The following BMP7 variants were observed in gnomAD, a reference collection of about 807,000 sequenced individuals.
The protein encoded by BMP7 is osteogenic protein 1.
In BMP7, 12 loss-of-function variants were observed where a neutral mutation model predicts 41.2. The ratio of observed to expected loss-of-function variants is 0.29; its 90% CI spans 0.19 to 0.47. The LOEUF (loss-of-function observed/expected upper bound fraction) is 0.47, where lower values mean the gene tolerates loss of function less well. Among genes scored for constraint, BMP7 ranks in the 20% least tolerant of loss-of-function variants. The pLI is 0.99. For synonymous variants in BMP7, 248 were observed against 250.0 expected (o/e 0.99, Z 0.07); for missense variants, 467 against 606.0 (o/e 0.77, Z 2.41).
intron 2 of BMP7, among the ~76,000 whole-genome samples, chr20:57,227,522 A>G (rs988345189): frequency 1.3e-5 from 2 of 151,822 alleles, no homozygotes; most frequent in African/African-American, 4.8e-5. Context: ...AGGTGCCCAC[A>G]CCACCTTTCT....
intron 3 of BMP7, among the ~76,000 whole-genome samples, chr20:57,199,832 G>A (rs116554314): frequency 0.014 from 2,132 of 152,272 alleles, 53 homozygotes; most frequent in African/African-American, 0.049. Context: ...CTGCCTGGGC[G>A]CGCACAGCAC....
intron 1 of BMP7, among the ~76,000 whole-genome samples, chr20:57,246,442 G>A (rs1461135640): frequency 6.6e-6 from 1 of 152,178 alleles, no homozygotes; most frequent in Non-Finnish European, 1.5e-5. Context: ...GCCCTCATGT[G>A]AGACTCTCCA....
At chr20:57,194,467 ACT>A (rs1984446809) in intron 3 of BMP7, among the ~76,000 whole-genome samples, 1 of 151,992 alleles carries the variant, frequency 6.6e-6, no homozygotes, top group Non-Finnish European at 1.5e-5. Context: ...TAAAATATGT[ACT>A]CTCTGGTACT....
chr20:57,204,627 C>A lies in BMP7; in HGVS notation c.612-2004G>T, dbSNP rs574390213. Among the ~76,000 whole-genome samples the A allele has an allele frequency of 2.6e-5, 4 of 152,332 alleles. No individual in the cohort carries two copies. In the East Asian group the frequency reaches 7.7e-4, roughly 29 times the overall value. ...CTTTTCCCTCTGGGCCTCTCTCCAT[C>A]CAAAACTCTGGGGGACAGAATCCAG... On this transcript the variant is annotated intron_variant, in intron 2 of 6. Transcript: ENST00000395863.
At chr20:57,173,336 A>C in intron 5 of BMP7, 26 bp from the exon 6 acceptor site, 1 of 1,605,658 alleles carries the variant, frequency 6.2e-7, no homozygotes, top group South Asian at 1.1e-5. Context: ...GAGTGTGGGA[A>C]ACCATGCAGA....
chr20:57,176,491 C>T (rs1023380318), intron 4 of BMP7, among the ~76,000 whole-genome samples: 2 of 152,122 alleles, frequency 1.3e-5, no homozygotes, highest in African/African-American at 4.8e-5. Context: ...GCCCAGGTGT[C>T]GCCCTTAGAG....
chr20:57,248,870 C>T (rs987819835), intron 1 of BMP7, among the ~76,000 whole-genome samples: 6 of 151,396 alleles, frequency 4.0e-5, no homozygotes, highest in Non-Finnish European at 8.8e-5. Flanking sequence ...GTGATCTCGG[C>T]TCACTGCAAG....
At chr20:57,216,533 G>GGCTGTCTCCTGAGGGCGAGGGC (rs1568718141) in intron 2 of BMP7, among the ~76,000 whole-genome samples, 17 of 149,922 alleles carry the variant, frequency 1.1e-4, no homozygotes, top group Non-Finnish European at 2.1e-4. Context: ...AGGGCGAGGG[G>GGCTGTCTCCTGAGGGCGAGGGC]GCTGTCTCCT....
At chr20:57,173,042 T>G in intron 6 of BMP7, 158 bp downstream of exon 6, 1 of 744,170 alleles carries the variant, frequency 1.3e-6, no homozygotes, top group Non-Finnish European at 2.4e-6. Flanking sequence ...TAAAGTACAA[T>G]TTTTGATTTT....
chr20:57,259,650 C>T lies in BMP7; in HGVS notation c.418+6055G>A. Among the ~76,000 whole-genome samples, 1 of 152,174 alleles carries T rather than the reference C, an allele frequency of 6.6e-6. No homozygotes were observed. Among genetic ancestry groups the T allele is most frequent in the East Asian group, 1.9e-4 (1 of 5,198 alleles). On this transcript the variant is annotated intron_variant, in intron 1 of 6. Coordinates refer to ENST00000395863, the MANE Select transcript of BMP7 (RefSeq NM_001719.3). This position sits in a 1 kb window ranked among gnomAD's most constrained non-coding sequence, Gnocchi z 4.7. The stretch of plus-strand genomic sequence containing the variant: ...TCCACGCGGATCAGCACAGGCTTTG[C>T]GCGGCTCCCCACAATGCCTTCCGAC...
chr20:57,259,682 G>A lies in BMP7; in HGVS notation c.418+6023C>T, dbSNP rs1254726058. Among the ~76,000 whole-genome samples the A allele has an allele frequency of 6.6e-6, 1 of 152,190 alleles. No homozygotes were observed. Among genetic ancestry groups the A allele is most frequent in the Non-Finnish European group, 1.5e-5 (1 of 68,048 alleles). ...CCCCACAATGCCTTCCGACACAAATGTTGAAAAGGCGGTATTGCACATGCT... is the reference window on the plus strand; with the variant it reads ...CCCCACAATGCCTTCCGACACAAATATTGAAAAGGCGGTATTGCACATGCT... On this transcript the variant is annotated intron_variant, in intron 1 of 6. Transcript: ENST00000395863. This position sits in a 1 kb window ranked among gnomAD's most constrained non-coding sequence, Gnocchi z 4.7.
intron 2 of BMP7, among the ~76,000 whole-genome samples, chr20:57,223,450 G>A (rs1985238684): frequency 6.6e-6 from 1 of 152,128 alleles, no homozygotes; most frequent in South Asian, 2.1e-4. Flanking sequence ...AACCAGCTCA[G>A]GACTCATCAA....
At chr20:57,231,899 G>T (rs1206229717) in intron 1 of BMP7, among the ~76,000 whole-genome samples, 1 of 152,218 alleles carries the variant, frequency 6.6e-6, no homozygotes, top group Non-Finnish European at 1.5e-5. Context: ...TGAAGAGCCC[G>T]GAAGTACAAA....
At chr20:57,180,367 T>A (rs1984050124) in intron 4 of BMP7, among the ~76,000 whole-genome samples, 1 of 126,482 alleles carries the variant, frequency 7.9e-6, no homozygotes, top group South Asian at 2.8e-4. Flanking sequence ...AGCACAGGCC[T>A]CTGCCCCTGC....
At chr20:57,221,445 C>T (rs901835319) in intron 2 of BMP7, among the ~76,000 whole-genome samples, 16 of 152,130 alleles carry the variant, frequency 1.1e-4, no homozygotes, top group South Asian at 8.3e-4. Context: ...AAAACATATG[C>T]GACTGGGGAA....
At chr20:57,236,777 AC>A (rs1474090203) in intron 1 of BMP7, among the ~76,000 whole-genome samples, 4 of 149,074 alleles carry the variant, frequency 2.7e-5, no homozygotes, top group Non-Finnish European at 4.5e-5. Context: ...AAAAAAAAAA[AC>A]ACCTGACGAG....
intron 2 of BMP7, among the ~76,000 whole-genome samples, chr20:57,219,626 C>T (rs1985140696): frequency 6.6e-6 from 1 of 152,172 alleles, no homozygotes; most frequent in South Asian, 2.1e-4. Context: ...ACTGCGGAGG[C>T]TCGGAAACCG....
chr20:57,184,641 C>T (rs534113610), intron 3 of BMP7, among the ~76,000 whole-genome samples: 1 of 152,252 alleles, frequency 6.6e-6, no homozygotes, highest in South Asian at 2.1e-4. Context: ...GATGTGACCT[C>T]ATTTGGAAGC....
In BMP7 at chr20:57,259,897, T is replaced by C. The variant is rs774749959; in HGVS notation, c.418+5808A>G. ...AAGCTTAAATGAACTATCTGTTCCA[T>C]ATTAAGAAATACCAAGTCACATTTT... On this transcript the variant is annotated intron_variant, in intron 1 of 6. Transcript: ENST00000395863. The surrounding 1 kb of genome is among the most constrained non-coding windows in gnomAD (Gnocchi z 4.7). Among the ~76,000 whole-genome samples the C allele has an allele frequency of 6.6e-6, 1 of 152,192 alleles. No individual in the cohort carries two copies. The highest frequency in any genetic ancestry group is 1.5e-5 in the Non-Finnish European group (1 of 68,030).
Sources: allele counts gnomAD v4.1 joint callset (sites outside exome capture counted in the v4.1 genomes callset), GRCh38; gene constraint gnomAD v4.1.1; non-coding constraint Gnocchi (gnomAD v3.1); transcripts MANE v1.5; gene names NCBI Gene and HGNC (gene_info 2026-07-23, HGNC 2026-07-21).